Variants in GOLIM4 observed in about 807,000 individuals in gnomAD.
GOLIM4 encodes the protein golgi integral membrane protein 4, also known as 130 kDa golgi-localized phosphoprotein.
In GOLIM4, 71 loss-of-function variants were observed where a neutral mutation model predicts 107.4. That is an observed-to-expected ratio of 0.66 (90% CI 0.55 to 0.81). The LOEUF (loss-of-function observed/expected upper bound fraction) is 0.81. Ranked by LOEUF, GOLIM4 falls within the 30% of genes least tolerant of loss-of-function variation. GOLIM4 has a pLI of 0.00. For synonymous variants in GOLIM4, 327 were observed against 294.8 expected (o/e 1.11, Z -1.12); for missense variants, 830 against 826.1 (o/e 1.00, Z -0.06).
chr3:168,075,911 T>G (rs1469949732), intron 1 of GOLIM4, among the ~76,000 whole-genome samples: 2 of 152,186 alleles, frequency 1.3e-5, no homozygotes, highest in African/African-American at 4.8e-5. Flanking sequence ...GCCAATATAA[T>G]AAGTGACTAG....
chr3:168,042,792 C>T (rs1369867600), intron 5 of GOLIM4, among the ~76,000 whole-genome samples: 7 of 152,210 alleles, frequency 4.6e-5, no homozygotes, highest in Admixed American at 1.3e-4. Context: ...TTATTTCTCA[C>T]ACCAATTCTA....
chr3:168,049,668 C>T (rs998631064), intron 1 of GOLIM4, among the ~76,000 whole-genome samples: 2 of 152,204 alleles, frequency 1.3e-5, no homozygotes, highest in African/African-American at 4.8e-5. Flanking sequence ...ACACTACTGG[C>T]TGCTGCCAAA....
At chr3:168,035,649 G>A (rs1443450147) in intron 8 of GOLIM4, among the ~76,000 whole-genome samples, 1 of 152,176 alleles carries the variant, frequency 6.6e-6, no homozygotes, top group Non-Finnish European at 1.5e-5. Flanking sequence ...CCTATCAGAA[G>A]GTGGAGGGAG....
intron 3 of GOLIM4, among the ~76,000 whole-genome samples, chr3:168,046,303 TTTAA>T (rs1487123648): frequency 1.3e-5 from 2 of 152,066 alleles, no homozygotes; most frequent in Non-Finnish European, 2.9e-5. Context: ...TATTTATTTA[TTTAA>T]TTTTTATTTT....
intron 1 of GOLIM4, among the ~76,000 whole-genome samples, chr3:168,067,579 C>T (rs1294177955): frequency 2.7e-5 from 4 of 149,728 alleles, no homozygotes; most frequent in South Asian, 4.2e-4. Flanking sequence ...TGAGATAGAA[C>T]GGCGTATTTT....
At chr3:168,050,905 G>A (rs1719604910) in intron 1 of GOLIM4, among the ~76,000 whole-genome samples, 1 of 150,448 alleles carries the variant, frequency 6.6e-6, no homozygotes, top group East Asian at 1.9e-4. Flanking sequence ...AACATACAAG[G>A]CAGACTGTTC....
chr3:168,031,065 G>A (rs1718304978), intron 9 of GOLIM4, among the ~76,000 whole-genome samples: 1 of 152,142 alleles, frequency 6.6e-6, no homozygotes, highest in Admixed American at 6.5e-5. Flanking sequence ...TGGAACTGGA[G>A]GCCATTATGT....
intron 9 of GOLIM4, among the ~76,000 whole-genome samples, chr3:168,030,376 C>T (rs1412652474): frequency 6.6e-6 from 1 of 152,096 alleles, no homozygotes; most frequent in Non-Finnish European, 1.5e-5. Context: ...TAGTTGGTAA[C>T]TTTGGTAACT....
In GOLIM4 at chr3:168,010,130, A is replaced by G; in HGVS notation, c.*139T>C. The G allele has an allele frequency of 1.5e-6, 1 of 654,554 alleles. No homozygotes were observed. 40.5% of individuals were successfully genotyped at this position (654,554 alleles called of 1,614,324 possible). ...AATATATTCATATAAATGTATGCGC[A>G]TTTCTAATACAAAAGTTTTAAAAAA... On this transcript the variant is annotated 3_prime_UTR_variant, in exon 16 of 16. Transcript: ENST00000470487.
chr3:168,046,701 C>A (rs944043371), intron 3 of GOLIM4, among the ~76,000 whole-genome samples: 11 of 151,506 alleles, frequency 7.3e-5, no homozygotes, highest in African/African-American at 2.7e-4. Flanking sequence ...AAATAATCTT[C>A]TTTTTATAGT....
intron 1 of GOLIM4, among the ~76,000 whole-genome samples, chr3:168,080,557 T>C (rs1360566669): frequency 6.6e-6 from 1 of 152,218 alleles, no homozygotes; most frequent in Non-Finnish European, 1.5e-5. Context: ...TAAGGCTTAC[T>C]TTCTTCATTG....
chr3:168,076,685 C>G (rs1050510411), intron 1 of GOLIM4, among the ~76,000 whole-genome samples: 10 of 151,930 alleles, frequency 6.6e-5, no homozygotes, highest in African/African-American at 2.4e-4. Flanking sequence ...AGTGAGACTC[C>G]ATCTCAATCA....
intron 1 of GOLIM4, among the ~76,000 whole-genome samples, chr3:168,092,313 A>G (rs918935506): frequency 6.6e-6 from 1 of 152,188 alleles, no homozygotes; most frequent in Non-Finnish European, 1.5e-5. Flanking sequence ...GGATAGATAA[A>G]CAGGCAGACA....
Position 168,040,812 on chromosome 3 carries a change from G to A in GOLIM4, c.658C>T (p.His220Tyr), listed in dbSNP as rs757273484. The A allele has an allele frequency of 1.2e-6, 2 of 1,612,320 alleles. No individual in the cohort carries two copies. The highest frequency in any genetic ancestry group is 2.2e-5 in the South Asian group (2 of 91,016). The stretch of plus-strand genomic sequence containing the variant: ...TGTGCAGCAGCTAGTGCACTCTTGT[G>A]GTCTTCCAAAGTCACTACAAGTTGT... The part of the protein sequence containing the change: ...HEQLVVTLED[H>Y]KSALAAAQTQ... The change falls in exon 7 of 16, where the codon CAC (histidine) becomes TAC (tyrosine). Residue 220 changes from histidine (H) to tyrosine (Y), a missense_variant. Physicochemically the swap from His to Tyr is moderately conservative, Grantham distance 83. Transcript: ENST00000470487.
At position 168,082,191 on chromosome 3, in the gene GOLIM4, C is replaced by T. The variant is rs571430970; in HGVS notation, c.187+12908G>A. ...ACAAAATTGACATATATCTTCAGGA[C>T]GTTCATGAACCACCCCCGCCAAGGA... On this transcript the variant is annotated intron_variant, in intron 1 of 15. Coordinates refer to ENST00000470487, the MANE Select transcript of GOLIM4 (RefSeq NM_014498.5). Among the ~76,000 whole-genome samples the T allele has an allele frequency of 6.2e-4, 94 of 152,248 alleles. 2 individuals carry two copies. Among genetic ancestry groups the T allele is most frequent in the African/African-American group, 2.2e-3 (90 of 41,550 alleles).
intron 1 of GOLIM4, among the ~76,000 whole-genome samples, chr3:168,079,445 G>C (rs1027146315): frequency 2.6e-5 from 4 of 152,130 alleles, no homozygotes; most frequent in Admixed American, 1.3e-4. Flanking sequence ...GAGCTTCTGG[G>C]GTGCTGGTCT....
chr3:168,010,893 C>A (rs189416859), intron 14 of GOLIM4, 70 bp from the exon 15 acceptor site: 2 of 1,034,046 alleles, frequency 1.9e-6, no homozygotes, highest in East Asian at 2.4e-5. Context: ...TATTTTGACA[C>A]TGTTATCATT....
chr3:168,088,684 T>A (rs1189418586), intron 1 of GOLIM4, among the ~76,000 whole-genome samples: 2 of 152,180 alleles, frequency 1.3e-5, no homozygotes, highest in African/African-American at 2.4e-5. Flanking sequence ...AGTCACCAGG[T>A]GATATGTGTC....
intron 12 of GOLIM4, among the ~76,000 whole-genome samples, chr3:168,026,200 G>A (rs927654584): frequency 7.2e-5 from 11 of 152,094 alleles, no homozygotes; most frequent in African/African-American, 1.4e-4. Context: ...TCTTGGGAAC[G>A]TAGAGACTAC....
Sources: allele counts gnomAD v4.1 joint callset (sites outside exome capture counted in the v4.1 genomes callset), GRCh38; gene constraint gnomAD v4.1.1; transcripts MANE v1.5; gene names NCBI Gene and HGNC (gene_info 2026-07-23, HGNC 2026-07-21).